The following RASGRF1 variants were observed in gnomAD, a reference collection of about 807,000 sequenced individuals.
RASGRF1 encodes the protein Ras protein specific guanine nucleotide releasing factor 1.
Under a neutral mutation model 138.7 loss-of-function variants are expected in RASGRF1, and 40 were observed. That is an observed-to-expected ratio of 0.29 (90% confidence interval 0.22 to 0.38). The LOEUF is 0.38. RASGRF1 is among the 10% of genes least tolerant of loss of function. The probability of loss-of-function intolerance (pLI) is 1.00; values close to 1 mark genes in which losing one functional copy is unlikely to be tolerated. For missense variants in RASGRF1, 1,108 were observed against 1,650.4 expected (o/e 0.67, Z 5.69); for synonymous variants, 614 against 663.2 (o/e 0.93, Z 1.14).
intron 1 of RASGRF1, among the ~76,000 whole-genome samples, chr15:79,082,782 CT>C (rs2057930388): frequency 6.6e-6 from 1 of 152,184 alleles, no homozygotes; most frequent in Non-Finnish European, 1.5e-5. Context: ...TTGCTTGGAC[CT>C]TTTCAGGAAC....
At chr15:79,078,275 T>A (rs2057867539) in intron 1 of RASGRF1, among the ~76,000 whole-genome samples, 1 of 152,044 alleles carries the variant, frequency 6.6e-6, no homozygotes, top group South Asian at 2.1e-4. Context: ...CAGCTCCCTT[T>A]TCCATCTCCT....
chr15:79,002,000 T>C (rs2056540094), intron 15 of RASGRF1, among the ~76,000 whole-genome samples: 1 of 152,216 alleles, frequency 6.6e-6, no homozygotes, highest in South Asian at 2.1e-4. Flanking sequence ...AAGGTGGCTT[T>C]TGCTCCACCA....
At chr15:78,963,845 T>C (rs1416525743) in intron 26 of RASGRF1, among the ~76,000 whole-genome samples, 1 of 152,224 alleles carries the variant, frequency 6.6e-6, no homozygotes, top group African/African-American at 2.4e-5. Context: ...GATAAAGACA[T>C]GGCGATTTTA....
intron 15 of RASGRF1, among the ~76,000 whole-genome samples, chr15:79,002,775 A>G (rs923082990): frequency 6.6e-6 from 1 of 152,198 alleles, no homozygotes; most frequent in African/African-American, 2.4e-5. Flanking sequence ...GTTACTTGGT[A>G]TGGAGCCTGG....
chr15:79,070,228 G>C (rs769305826), intron 1 of RASGRF1, among the ~76,000 whole-genome samples: 27 of 152,208 alleles, frequency 1.8e-4, no homozygotes, highest in Non-Finnish European at 7.3e-5. Flanking sequence ...AGAGCACATG[G>C]AAGTCTCAGG....
chr15:79,007,189 G>C (rs1486058706), intron 13 of RASGRF1, among the ~76,000 whole-genome samples: 1 of 152,214 alleles, frequency 6.6e-6, no homozygotes, highest in African/African-American at 2.4e-5. Flanking sequence ...CAGAACAAAG[G>C]GGCTAAGATG....
intron 1 of RASGRF1, 85 bp downstream of exon 1, chr15:79,090,138 C>A: frequency 6.9e-7 from 1 of 1,444,832 alleles, no homozygotes; most frequent in Non-Finnish European, 9.1e-7. Flanking sequence ...GGCCAAAGTT[C>A]AAGCGCCATC....
rs767000730 is a variant in RASGRF1, at chr15:79,046,738, G to A, written c.878+8C>T. ...TTCCTGCCTTGGCCAACCTTTAGGGGTGCTCACCTGTTCAGGAAGATGCTG... is the reference window on the plus strand; with the variant it reads ...TTCCTGCCTTGGCCAACCTTTAGGGATGCTCACCTGTTCAGGAAGATGCTG... On this transcript the variant is annotated splice_region_variant and intron_variant, in intron 5 of 26. Coordinates refer to ENST00000558480, the MANE Select transcript of RASGRF1 (RefSeq NM_001145648.3). The surrounding 1 kb of genome is among the most constrained non-coding windows in gnomAD (Gnocchi z 5.3). 3.1e-6 allele frequency: 5 copies of A among 1,613,998 alleles called. No homozygotes were observed. Among genetic ancestry groups the A allele is most frequent in the Admixed American group, 1.7e-5 (1 of 60,014 alleles).
rs2055816072 is a variant in RASGRF1, at chr15:78,973,620, G to T, written c.3495-200C>A. On this transcript the variant is annotated intron_variant, in intron 24 of 26. Coordinates refer to ENST00000558480, the MANE Select transcript of RASGRF1 (RefSeq NM_001145648.3). The surrounding 1 kb of genome is among the most constrained non-coding windows in gnomAD (Gnocchi z 4.9). ...GGTCTCAGGGCCAGTCCTCTGGGGT[G>T]GTGGGGGCAACATGGTGCTGACTGG... Among the ~76,000 whole-genome samples the T allele has an allele frequency of 6.6e-6, 1 of 152,124 alleles. No individual in the cohort carries two copies. Among genetic ancestry groups the T allele is most frequent in the Non-Finnish European group, 1.5e-5 (1 of 68,014 alleles).
At chr15:78,987,110 T>A (rs543937871) in intron 22 of RASGRF1, among the ~76,000 whole-genome samples, 2 of 152,186 alleles carry the variant, frequency 1.3e-5, no homozygotes, top group African/African-American at 2.4e-5. Context: ...GAAAGGAAAA[T>A]TACACACCCA....
chr15:78,971,196 C>CT, intron 26 of RASGRF1, among the ~76,000 whole-genome samples: 1 of 152,316 alleles, frequency 6.6e-6, no homozygotes, highest in South Asian at 2.1e-4. Flanking sequence ...ATGGCCCTCC[C>CT]TGCCTGTTTC....
At chr15:79,088,238 C>A (rs1453095541) in intron 1 of RASGRF1, among the ~76,000 whole-genome samples, 3 of 152,184 alleles carry the variant, frequency 2.0e-5, no homozygotes, top group Non-Finnish European at 4.4e-5. Flanking sequence ...AAGGCTGTAT[C>A]TCTGAGGTTC....
intron 14 of RASGRF1, chr15:79,005,001 G>A (rs1209258387): frequency 2.5e-5 from 25 of 985,434 alleles, no homozygotes; most frequent in Non-Finnish European, 2.8e-5. Flanking sequence ...TTGTTCTGCA[G>A]GGCACTGCTG....
In RASGRF1 at chr15:79,072,082, T is replaced by A. The variant is rs575867691; in HGVS notation, c.277-7556A>T. On this transcript the variant is annotated intron_variant, in intron 1 of 26. Coordinates refer to ENST00000558480, the MANE Select transcript of RASGRF1 (RefSeq NM_001145648.3). ...AATGAGCTTAGGGAGGAAGGAGGAG[T>A]CACAGGCCTGCTTTGGTTCAAGGCC... is the stretch of plus-strand genomic sequence containing the variant. Among the ~76,000 whole-genome samples the A allele has an allele frequency of 4.0e-5, 6 of 151,352 alleles. No homozygotes were observed. In the South Asian group the frequency reaches 6.3e-4, roughly 16 times the overall value.
intron 20 of RASGRF1, among the ~76,000 whole-genome samples, chr15:78,993,052 GGTGGTGTGTGGGTGGTGTGT>G (rs1240512072): frequency 1.3e-4 from 20 of 149,160 alleles, no homozygotes; most frequent in East Asian, 4.0e-4. Context: ...GTGCCATGTG[GGTGGTGTGTGGGTGGTGTGT>G]GTGGTGTGTG....
At position 78,978,675 on chromosome 15, in the gene RASGRF1, C is replaced by T. The variant is rs75304682; in HGVS notation, c.3494+1945G>A. The T allele has an allele frequency of 2.5e-5, 26 of 1,020,256 alleles. 1 individual carries two copies. The East Asian group carries it at 1.3e-3, about 50-fold the overall frequency. The allele number at this position is 1,020,256 out of a possible 1,614,324, so 63.2% of individuals were successfully genotyped here. Reference sequence around the variant, plus strand: ...ACTGCCACCTCGCTACTCTTGCCCCCGTCCCCTGCCTAGTGAAACAGACGC... The same window carrying T: ...ACTGCCACCTCGCTACTCTTGCCCCTGTCCCCTGCCTAGTGAAACAGACGC... On this transcript the variant is annotated intron_variant, in intron 24 of 26. Coordinates refer to ENST00000558480, the MANE Select transcript of RASGRF1 (RefSeq NM_001145648.3).
chr15:79,025,267 A>C (rs1216847892), intron 10 of RASGRF1, 47 bp downstream of exon 10: 2 of 1,537,424 alleles, frequency 1.3e-6, no homozygotes, highest in South Asian at 1.3e-5. Context: ...CAGCGCCTGC[A>C]TGACCCTAGC....
rs1192611588 is a variant in RASGRF1, at chr15:79,027,712, G to A, written c.1381+29C>T. The A allele has an allele frequency of 1.2e-6, 2 of 1,605,164 alleles. No homozygotes were observed. The highest frequency in any genetic ancestry group is 1.7e-6 in the Non-Finnish European group (2 of 1,172,164). ...CGCTGCTGGGGCCCACCTGGTGGGG[G>A]CAGGGGAGACAGGGTGCAGAGGCCA... On this transcript the variant is annotated intron_variant, in intron 9 of 26. Coordinates refer to ENST00000558480, the MANE Select transcript of RASGRF1 (RefSeq NM_001145648.3). This position sits in a 1 kb window ranked among gnomAD's most constrained non-coding sequence, Gnocchi z 4.8.
chr15:79,067,648 G>A (rs1025358985), intron 1 of RASGRF1, among the ~76,000 whole-genome samples: 1 of 152,218 alleles, frequency 6.6e-6, no homozygotes. Context: ...CGACTGACTT[G>A]TAGAAATTGT....
Sources: gnomAD v4.1 joint callset for allele counts (sites outside exome capture counted in the v4.1 genomes callset) on GRCh38, gnomAD v4.1.1 for gene constraint, Gnocchi (gnomAD v3.1) non-coding constraint, MANE v1.5 for transcripts, NCBI Gene and HGNC (gene_info 2026-07-23, HGNC 2026-07-21) for gene names.